Variants in FAM187A observed in about 807,000 individuals in gnomAD.
The protein encoded by FAM187A is Ig-like V-type domain-containing protein FAM187A.
In FAM187A, 4 loss-of-function variants were observed where a neutral mutation model predicts 6.4. That is an observed-to-expected ratio of 0.63 (90% CI 0.31 to 1.44). The LOEUF is 1.44. FAM187A is among the 40% of genes most tolerant of loss of function. FAM187A has a pLI of 0.07. For missense variants in FAM187A, 463 were observed against 542.2 expected, an observed-to-expected ratio of 0.85 and a Z score of 1.45; for synonymous variants, 221 against 213.4, an observed-to-expected ratio of 1.04 and a Z score of -0.31.
chr17:44,905,231 G>C, exon 4 of FAM187A: 4 of 635,546 alleles, frequency 6.3e-6, no homozygotes, highest in Non-Finnish European at 8.3e-6. Flanking sequence ...TCTGGGACCT[G>C]ATCTGAGAAG....
chr17:44,904,808 G>GGCAACCAGCTCCACATCCGCT (rs2051627670), exon 4 of FAM187A: 36 of 1,550,542 alleles, frequency 2.3e-5, no homozygotes, highest in Non-Finnish European at 3.1e-5. Flanking sequence ...CATTGACCAC[G>GGCAACCAGCTCCACATCCGCT]GCAACCAGCT....
exon 4 of FAM187A, chr17:44,903,621 T>G: frequency 1.4e-6 from 2 of 1,428,510 alleles, no homozygotes; most frequent in South Asian, 3.1e-5. Context: ...TGAGATCAGG[T>G]CTGGAATGTT....
exon 4 of FAM187A, chr17:44,903,438 T>C (rs2051595800): frequency 1.6e-6 from 2 of 1,251,584 alleles, no homozygotes; most frequent in African/African-American, 1.5e-5. Flanking sequence ...TGAAAGACTT[T>C]TCCACCAGGC....
rs2051630967 is a variant in FAM187A at position 44,904,940 on chromosome 17, G to A, written c.1111G>A (p.Asp371Asn). 3 of 1,550,586 alleles carry A rather than the reference G, an allele frequency of 1.9e-6. No individual in the cohort carries two copies. The South Asian group carries it at 3.6e-5, about 18-fold the overall frequency. Residue 371 changes from aspartate to asparagine, a missense_variant, in exon 4 of 4, where the codon GAT (aspartate) becomes AAT (asparagine). Physicochemically the swap from Asp to Asn is conservative, Grantham distance 23. Coordinates refer to ENST00000331733, the Ensembl canonical transcript of FAM187A. ...TGGGCACTACCCAGCCTCGTTCTCA[G>A]ATCCTGAGACTCGCTCGGCTGTGGA...
At chr17:44,904,748 C>T in exon 4 of FAM187A, 1 of 1,550,640 alleles carries the variant, frequency 6.4e-7, no homozygotes, top group Non-Finnish European at 8.7e-7. Context: ...CCGCCAGCAC[C>T]TCTACCGCAC....
At chr17:44,904,838 C>A (rs1320378050) in exon 4 of FAM187A, 1 of 1,550,694 alleles carries the variant, frequency 6.4e-7, no homozygotes, top group Non-Finnish European at 8.7e-7. Flanking sequence ...CTTCACCCAG[C>A]TGGATGACCG....
chr17:44,904,837 G>A (rs1314985645), exon 4 of FAM187A: 2 of 1,550,684 alleles, frequency 1.3e-6, no homozygotes, highest in East Asian at 2.4e-5. Context: ...GCTTCACCCA[G>A]CTGGATGACC....
At chr17:44,904,725 C>A in exon 4 of FAM187A, 1 of 1,550,568 alleles carries the variant, frequency 6.4e-7, no homozygotes, top group Admixed American at 2.0e-5. Flanking sequence ...CATGCAGTGG[C>A]CTGGGACAAA....
chr17:44,904,847 C>T lies in FAM187A; in HGVS notation c.1018C>T (p.Arg340Trp), dbSNP rs112032118. The stretch of plus-strand genomic sequence containing the variant: ...CATCCGCTTCACCCAGCTGGATGAC[C>T]GGGGCATCTACTATTGCTGGAGGCA... The change falls in exon 4 of 4, where the codon CGG becomes TGG. Residue 340 changes from arginine (R) to tryptophan (W), a missense_variant. By Grantham distance (101) the Arg-to-Trp change is moderately radical (BLOSUM62 -3). Transcript: ENST00000331733. 7.1e-5 allele frequency: 110 copies of T among 1,550,662 alleles called. 1 individual carries two copies. The highest frequency in any genetic ancestry group is 3.3e-4 in the African/African-American group (24 of 73,160).
rs906699489 is a variant in FAM187A at position 44,903,545 on chromosome 17, G to A, written c.-285G>A. ...CCGGTTTCCTTTGACCCATTCTTGG[G>A]TGAGCGCCAGTGTTCTAGAAAGGGG... is the stretch of plus-strand genomic sequence containing the variant. On this transcript the variant is annotated 5_prime_UTR_variant, in exon 4 of 4. It adds an upstream start codon to the 5' untranslated region. Coordinates refer to ENST00000331733, the Ensembl canonical transcript of FAM187A. The A allele has an allele frequency of 5.9e-6, 8 of 1,351,130 alleles. No homozygotes were observed. The highest frequency in any genetic ancestry group is 7.1e-5 in the Admixed American group (2 of 28,278). 83.7% of individuals were successfully genotyped at this position (1,351,130 alleles called of 1,614,324 possible). A position where few individuals can be genotyped will look rare whatever the true frequency, so the allele number is the denominator to read the frequency against.
At chr17:44,903,955 C>G (rs533012935) in exon 4 of FAM187A, 5 of 1,550,606 alleles carry the variant, frequency 3.2e-6, no homozygotes, top group Non-Finnish European at 4.4e-6. Context: ...AAAATGCAGC[C>G]TACCTGGCCG....
At chr17:44,904,331 G>A (rs1229525922) in exon 4 of FAM187A, 1 of 1,543,288 alleles carries the variant, frequency 6.5e-7, no homozygotes, top group East Asian at 2.4e-5. Flanking sequence ...GCACCTCCAT[G>A]TCTTCACCAC....
At chr17:44,904,179 C>G (rs1035033068) in exon 4 of FAM187A, 26 of 1,550,366 alleles carry the variant, frequency 1.7e-5, no homozygotes, top group Non-Finnish European at 2.1e-5. Flanking sequence ...AGGGCTCAGT[C>G]TGAGGACTCA....
rs777421598 is a variant in FAM187A at position 44,903,862 on chromosome 17, G to A, written c.33G>A (p.Trp11Ter). Reference sequence around the variant, plus strand: ...TGGCCCTCACCACTGTGCTCCTGTGGGCATGGGGGCTCCAGGCCTTTGAAA... The same window carrying A: ...TGGCCCTCACCACTGTGCTCCTGTGAGCATGGGGGCTCCAGGCCTTTGAAA... The change falls in exon 4 of 4, where the codon TGG becomes TGA. Residue 11 changes from tryptophan (W) to a stop codon, truncating the protein, a stop_gained. Coordinates refer to ENST00000331733, the Ensembl canonical transcript of FAM187A. LOFTEE classifies it high-confidence loss of function. The A allele has an allele frequency of 4.8e-5, 74 of 1,536,604 alleles. No homozygotes were observed. Among genetic ancestry groups the A allele is most frequent in the Non-Finnish European group, 5.8e-5 (66 of 1,140,436 alleles).
chr17:44,903,805 C>T (rs1237072531), exon 4 of FAM187A: 1 of 1,539,806 alleles, frequency 6.5e-7, no homozygotes, highest in African/African-American at 1.4e-5. Flanking sequence ...TTGCCCTGCC[C>T]CTCTGACCCC....
exon 4 of FAM187A, chr17:44,903,912 A>G: frequency 6.4e-7 from 1 of 1,550,614 alleles, no homozygotes; most frequent in Non-Finnish European, 8.7e-7. Flanking sequence ...AACATTTTTC[A>G]GAGGACCCCC....
At chr17:44,904,164 T>G (rs1721929149) in exon 4 of FAM187A, 1 of 1,550,150 alleles carries the variant, frequency 6.5e-7, no homozygotes, top group African/African-American at 1.4e-5. Context: ...AGCTTGTTGG[T>G]TTTCAGGGCT....
rs533012935 is a variant in FAM187A at position 44,903,955 on chromosome 17, C to T, written c.126C>T (p.Ala42=). Reference sequence around the variant, plus strand: ...CTTTCCTGATGTTTGAAAATGCAGCCTACCTGGCCGACATGAGCTTTGAGC... The same window carrying T: ...CTTTCCTGATGTTTGAAAATGCAGCTTACCTGGCCGACATGAGCTTTGAGC... Residue 42 remains alanine (A), a synonymous_variant, in exon 4 of 4, where the codon GCC becomes GCT. Transcript: ENST00000331733. 11 of 1,550,606 alleles carry T rather than the reference C, an allele frequency of 7.1e-6. No individual in the cohort carries two copies. The East Asian group carries it at 2.2e-4, about 31-fold the overall frequency.
At chr17:44,904,860 A>G (rs2051628907) in exon 4 of FAM187A, 1 of 1,550,576 alleles carries the variant, frequency 6.4e-7, no homozygotes, top group Admixed American at 2.0e-5. Flanking sequence ...GGCATCTACT[A>G]TTGCTGGAGG....
Sources: allele counts gnomAD v4.1 joint callset, GRCh38; gene constraint gnomAD v4.1.1; transcripts MANE v1.5; gene names NCBI Gene and HGNC (gene_info 2026-07-23, HGNC 2026-07-21).